Variants in NOX5 observed in about 807,000 individuals in gnomAD.
NOX5 encodes NADPH oxidase 5.
NOX5 carries 76 observed loss-of-function variants against 85.7 expected under a neutral mutation model. The observed-to-expected ratio is 0.89, with a 90% CI of 0.74 to 1.07. The LOEUF is 1.07. Ranked by LOEUF, NOX5 falls within the 50% of genes least tolerant of loss-of-function variation. The pLI is 0.00. For missense variants in NOX5, 973 were observed against 999.5 expected (o/e 0.97, Z 0.36); for synonymous variants, 405 against 401.4 (o/e 1.01, Z -0.11).
intron 2 of NOX5, among the ~76,000 whole-genome samples, chr15:69,027,865 CTCTG>C (rs1279423971): frequency 6.6e-6 from 1 of 152,076 alleles, no homozygotes; most frequent in Non-Finnish European, 1.5e-5. Flanking sequence ...CAGGAGGACC[CTCTG>C]TCTGACCCTT....
In NOX5 at chr15:69,055,414, C is replaced by A; in HGVS notation, c.2080C>A (p.Leu694Ile). 6.2e-7 allele frequency: 1 copy of A among 1,614,172 alleles called. No homozygotes were observed. ...GAAGGCCATTGGCCTGCAGATGGCC[C>A]TTGACCTCCTGGCCAACAAGGAGAA... ...DMKAIGLQMALDLLANKEKKD... is the reference protein window; with the variant it reads ...DMKAIGLQMAIDLLANKEKKD... The change falls in exon 15 of 16, where the codon CTT (leucine) becomes ATT (isoleucine). Residue 694 changes from leucine to isoleucine, a missense_variant. Leu to Ile is a conservative substitution (Grantham distance 5). Transcript: ENST00000388866.
rs145871646 is a variant in NOX5 at position 69,055,431 on chromosome 15, C to T, written c.2097C>T (p.Asn699=). 3 of 1,614,186 alleles carry T rather than the reference C, an allele frequency of 1.9e-6. No homozygotes were observed. Among genetic ancestry groups the T allele is most frequent in the Admixed American group, 1.7e-5 (1 of 60,028 alleles). The change falls in exon 15 of 16, where the codon AAC becomes AAT. Residue 699 remains asparagine (N), a synonymous_variant. Transcript: ENST00000388866. The stretch of plus-strand genomic sequence containing the variant: ...AGATGGCCCTTGACCTCCTGGCCAA[C>T]AAGGAGAAGAAAGACTCCATCACGG... ...GLQMALDLLA[N]KEKKDSITGL...
chr15:69,052,920 T>C (rs2050767658), intron 14 of NOX5, among the ~76,000 whole-genome samples: 1 of 152,230 alleles, frequency 6.6e-6, no homozygotes, highest in African/African-American at 2.4e-5. Flanking sequence ...TAATTTAAAT[T>C]TTCTAGTTAC....
intron 14 of NOX5, among the ~76,000 whole-genome samples, chr15:69,054,418 A>G (rs1159229791): frequency 6.6e-6 from 1 of 152,038 alleles, no homozygotes; most frequent in Non-Finnish European, 1.5e-5. Context: ...GTGCTGTTTC[A>G]TTATGTCACA....
chr15:69,053,516 T>C (rs144932551), intron 14 of NOX5, among the ~76,000 whole-genome samples: 1 of 152,372 alleles, frequency 6.6e-6, no homozygotes, highest in East Asian at 1.9e-4. Context: ...GTATAGTTAG[T>C]GGTTATACCG....
At position 69,060,485 on chromosome 15, in the gene NOX5, AG is replaced by A. The variant is rs2050861632; in HGVS notation, c.*3790del. On this transcript the variant is annotated 3_prime_UTR_variant, in exon 16 of 16. Transcript: ENST00000388866. ...TTCTTATTATAAAGTGAACAGATCAAGTATGTATGCGTTTAAGCACTTGTCA... is the reference window on the plus strand; with the variant it reads ...TTCTTATTATAAAGTGAACAGATCAATATGTATGCGTTTAAGCACTTGTCA... 1 of 152,236 alleles carries A rather than the reference AG, an allele frequency of 6.6e-6. No homozygotes were observed. The highest frequency in any genetic ancestry group is 1.5e-5 in the Non-Finnish European group (1 of 68,048). 9.4% of individuals were successfully genotyped at this position (152,236 alleles called of 1,614,324 possible).
chr15:69,014,855 G>A, intron 1 of NOX5, 70 bp downstream of exon 1: 3 of 1,165,096 alleles, frequency 2.6e-6, no homozygotes, highest in Non-Finnish European at 3.8e-6. Flanking sequence ...GCCTTTGTGG[G>A]ATCTACAAAA....
chr15:69,016,556 C>G (rs1190295965), intron 1 of NOX5, among the ~76,000 whole-genome samples: 1 of 152,156 alleles, frequency 6.6e-6, no homozygotes, highest in Non-Finnish European at 1.5e-5. Flanking sequence ...TGTCTGTGCT[C>G]CCTGTGGGAA....
intron 11 of NOX5, 37 bp from the exon 12 acceptor site, chr15:69,047,376 C>T: frequency 6.6e-7 from 1 of 1,521,810 alleles, no homozygotes. Flanking sequence ...CCAGCGTCAC[C>T]CCCCATCTCT....
intron 6 of NOX5, 116 bp downstream of exon 6, chr15:69,035,623 T>C (rs1011119748): frequency 7.7e-6 from 12 of 1,552,298 alleles, no homozygotes; most frequent in Middle Eastern, 2.1e-4. Flanking sequence ...AGGGGTGCCC[T>C]GGATAAGCCA....
At chr15:69,035,239 GAGTGTCC>G in intron 5 of NOX5, 108 bp from the exon 6 acceptor site, 1 of 1,160,138 alleles carries the variant, frequency 8.6e-7, no homozygotes. Flanking sequence ...GGACTTTGGT[GAGTGTCC>G]TGTTCAGAAA....
At position 69,059,307 on chromosome 15, in the gene NOX5, A is replaced by C. The variant is rs1292222237; in HGVS notation, c.*2611A>C. 5.3e-5 allele frequency: 8 copies of C among 152,146 alleles called. No individual in the cohort carries two copies. The highest frequency in any genetic ancestry group is 3.9e-4 in the Admixed American group (6 of 15,272). 9.4% of individuals were successfully genotyped at this position (152,146 alleles called of 1,614,324 possible). On this transcript the variant is annotated 3_prime_UTR_variant, in exon 16 of 16. Coordinates refer to ENST00000388866, the MANE Select transcript of NOX5 (RefSeq NM_024505.4). The stretch of plus-strand genomic sequence containing the variant: ...TCTCAAGCGGGTTTGTTTCCCAGGA[A>C]GTGAGACTGGTCCGTGAGTGGCAGT...
At chr15:69,049,179 G>T (rs954793608) in intron 14 of NOX5, 121 bp downstream of exon 14, 6 of 491,642 alleles carry the variant, frequency 1.2e-5, no homozygotes, top group Non-Finnish European at 2.1e-5. Context: ...AACCATTAAA[G>T]TGAACCCAGA....
intron 1 of NOX5, among the ~76,000 whole-genome samples, chr15:69,016,959 G>A (rs2140242556): frequency 6.6e-6 from 1 of 152,116 alleles, no homozygotes; most frequent in Non-Finnish European, 1.5e-5. Context: ...GGGAAGGAGG[G>A]ACCAGACATG....
intron 13 of NOX5, 32 bp downstream of exon 13, chr15:69,047,943 G>A: frequency 6.2e-7 from 1 of 1,600,324 alleles, no homozygotes; most frequent in Non-Finnish European, 8.6e-7. Context: ...CAGGCCTCCA[G>A]ACCTTCTCCC....
chr15:69,051,821 AC>A (rs1461152004), intron 14 of NOX5, among the ~76,000 whole-genome samples: 3 of 151,726 alleles, frequency 2.0e-5, no homozygotes, highest in Non-Finnish European at 4.4e-5. Flanking sequence ...AAGATTAGAC[AC>A]CCTTTTTCCT....
At chr15:69,035,971 G>T in intron 7 of NOX5, 35 bp downstream of exon 7, 3 of 1,611,528 alleles carry the variant, frequency 1.9e-6, no homozygotes, top group Non-Finnish European at 2.5e-6. Context: ...TTCCCCCAAG[G>T]CCAGGGTCCT....
Position 69,058,177 on chromosome 15 carries a change from T to C in NOX5, c.*1481T>C, listed in dbSNP as rs2140287162. ...AGGCACTTTCCAATGGGATTGTAGC[T>C]GGCACCTTTCTTTTCCATGGGTTGG... On this transcript the variant is annotated 3_prime_UTR_variant, in exon 16 of 16. Transcript: ENST00000388866. 1 of 152,470 alleles carries C rather than the reference T, an allele frequency of 6.6e-6. No homozygotes were observed. The highest frequency in any genetic ancestry group is 2.1e-4 in the South Asian group (1 of 4,822). 9.4% of individuals were successfully genotyped at this position (152,470 alleles called of 1,614,324 possible). A position where few individuals can be genotyped will look rare whatever the true frequency, so the allele number is the denominator to read the frequency against.
chr15:69,031,687 G>A lies in NOX5; in HGVS notation c.495G>A (p.Lys165=), dbSNP rs914407839. 1.2e-5 allele frequency: 19 copies of A among 1,613,220 alleles called. No individual in the cohort carries two copies. The highest frequency in any genetic ancestry group is 1.5e-5 in the Non-Finnish European group (18 of 1,179,852). The change falls in exon 4 of 16, where the codon AAG becomes AAA. Residue 165 remains lysine, a synonymous_variant. Transcript: ENST00000388866. ...RESAISLPDE[K]LDQLTLALFE... Reference sequence around the variant, plus strand: ...GCGCCATCTCGCTGCCTGACGAGAAGCTGGACCAGCTGACGCTGGCGCTCT... The same window carrying A: ...GCGCCATCTCGCTGCCTGACGAGAAACTGGACCAGCTGACGCTGGCGCTCT...
Sources: allele counts gnomAD v4.1 joint callset (sites outside exome capture counted in the v4.1 genomes callset), GRCh38; gene constraint gnomAD v4.1.1; transcripts MANE v1.5; gene names NCBI Gene and HGNC (gene_info 2026-07-23, HGNC 2026-07-21).